RASGRF2: variants seen among roughly 807,000 people sequenced by gnomAD.
The protein encoded by RASGRF2 is Ras protein specific guanine nucleotide releasing factor 2, also known as ras-specific guanine nucleotide-releasing factor 2.
Under a neutral mutation model 151.0 loss-of-function variants are expected in RASGRF2, and 76 were observed. The observed-to-expected ratio is 0.50, with a 90% CI of 0.42 to 0.61. The LOEUF is 0.61. Ranked by LOEUF, RASGRF2 falls within the 20% of genes least tolerant of loss-of-function variation. RASGRF2 has a pLI of 0.00. For synonymous variants in RASGRF2, 504 were observed against 566.5 expected (o/e 0.89, Z 1.57); for missense variants, 1,148 against 1,564.6 (o/e 0.73, Z 4.49).
intron 2 of RASGRF2, among the ~76,000 whole-genome samples, chr5:81,055,819 G>T (rs1272402686): frequency 1.3e-5 from 2 of 152,106 alleles, no homozygotes; most frequent in Admixed American, 6.6e-5. Flanking sequence ...CCTGTTATTG[G>T]TCTATTCAGG....
intron 17 of RASGRF2, among the ~76,000 whole-genome samples, chr5:81,158,514 A>C (rs1754312318): frequency 6.6e-6 from 1 of 152,186 alleles, no homozygotes; most frequent in South Asian, 2.1e-4. Flanking sequence ...GAAAGTGAAC[A>C]GACAACCCAT....
chr5:81,164,296 C>G (rs1754455070), intron 17 of RASGRF2, among the ~76,000 whole-genome samples: 1 of 152,088 alleles, frequency 6.6e-6, no homozygotes, highest in South Asian at 2.1e-4. Context: ...TCTCAGCAAC[C>G]TGCACATTCA....
chr5:81,079,564 T>G (rs148807905), intron 5 of RASGRF2, among the ~76,000 whole-genome samples: 136 of 152,342 alleles, frequency 8.9e-4, no homozygotes, highest in African/African-American at 2.4e-3. Context: ...TTTTAGGAAT[T>G]TAGATCCCTA....
intron 2 of RASGRF2, among the ~76,000 whole-genome samples, chr5:81,051,760 T>C (rs546576924): frequency 6.6e-6 from 1 of 152,350 alleles, no homozygotes; most frequent in South Asian, 2.1e-4. Context: ...TTTTTGCTAG[T>C]ATGAATAATG....
intron 18 of RASGRF2, among the ~76,000 whole-genome samples, chr5:81,189,728 T>TC (rs375273587): frequency 6.7e-6 from 1 of 150,160 alleles, no homozygotes; most frequent in East Asian, 1.9e-4. Flanking sequence ...TTTTTTTTTT[T>TC]CAGAGACAGA....
intron 1 of RASGRF2, among the ~76,000 whole-genome samples, chr5:80,992,061 C>G (rs543311542): frequency 2.6e-5 from 4 of 152,154 alleles, no homozygotes; most frequent in Non-Finnish European, 5.9e-5. Context: ...CCCACCCTCT[C>G]CTGGCACCAT....
intron 1 of RASGRF2, among the ~76,000 whole-genome samples, chr5:80,965,253 G>A (rs930885321): frequency 5.3e-5 from 8 of 152,042 alleles, no homozygotes; most frequent in Non-Finnish European, 8.8e-5. Flanking sequence ...GGAGAGTGTG[G>A]ATGGTGGATT....
chr5:80,980,675 A>T (rs559588445), intron 1 of RASGRF2, among the ~76,000 whole-genome samples: 28 of 152,328 alleles, frequency 1.8e-4, no homozygotes, highest in African/African-American at 6.5e-4. Context: ...AAAAAAGAGG[A>T]TACCACTGAT....
chr5:81,093,177 T>C (rs1243347924), intron 10 of RASGRF2, among the ~76,000 whole-genome samples: 2 of 152,166 alleles, frequency 1.3e-5, no homozygotes, highest in East Asian at 3.8e-4. Flanking sequence ...TGCATCACCA[T>C]AAAGAAATAC....
rs201775235 is a variant in RASGRF2, at chr5:81,198,358, CAT to C, written c.2794-2971_2794-2970del. On this transcript the variant is annotated intron_variant, in intron 18 of 26. Transcript: ENST00000265080. Reference sequence around the variant, plus strand: ...TTTAGCTCCCACTTATAAGTGAAAACATGTGATATTTGGTTTTCTGTTTCTGC... The same window carrying C: ...TTTAGCTCCCACTTATAAGTGAAAACGTGATATTTGGTTTTCTGTTTCTGC... Among the ~76,000 whole-genome samples the C allele has an allele frequency of 1.4e-4, 21 of 152,268 alleles. No homozygotes were observed. In the East Asian group the frequency reaches 1.9e-3, roughly 14 times the overall value.
intron 26 of RASGRF2, chr5:81,223,372 TG>T (rs1262804151): frequency 2.3e-5 from 3 of 130,878 alleles, no homozygotes; most frequent in Non-Finnish European, 5.0e-5. Flanking sequence ...CCGGGCGCGG[TG>T]GCTCACGCCT....
intron 17 of RASGRF2, among the ~76,000 whole-genome samples, chr5:81,150,637 C>T (rs959787510): frequency 6.6e-6 from 1 of 151,558 alleles, no homozygotes; most frequent in East Asian, 1.9e-4. Flanking sequence ...TGCACGTGAA[C>T]ACACACACAC....
At chr5:81,054,891 G>A (rs1751143572) in intron 2 of RASGRF2, among the ~76,000 whole-genome samples, 3 of 151,706 alleles carry the variant, frequency 2.0e-5, no homozygotes, top group Admixed American at 2.0e-4. Context: ...TGAAGCAATT[G>A]TGAATGGGAG....
chr5:81,201,778 C>T (rs968118258), intron 19 of RASGRF2, among the ~76,000 whole-genome samples: 1 of 152,178 alleles, frequency 6.6e-6, no homozygotes, highest in Non-Finnish European at 1.5e-5. Context: ...GATGTTTCCT[C>T]CTGTGGGTTG....
chr5:81,014,101 A>G (rs186395970), intron 1 of RASGRF2, among the ~76,000 whole-genome samples: 130 of 152,096 alleles, frequency 8.5e-4, no homozygotes, highest in Non-Finnish European at 1.5e-3. Context: ...CTTGTGGTCT[A>G]TTTTCAACTT....
At chr5:81,198,013 A>G (rs1474664341) in intron 18 of RASGRF2, among the ~76,000 whole-genome samples, 1 of 152,236 alleles carries the variant, frequency 6.6e-6, no homozygotes, top group Non-Finnish European at 1.5e-5. Flanking sequence ...CCAGAATAAA[A>G]GAAAGTACAC....
At position 81,201,377 on chromosome 5, in the gene RASGRF2, A is replaced by G; in HGVS notation, c.2841A>G (p.Leu947=). The change falls in exon 19 of 27, where the codon CTA becomes CTG. Residue 947 remains leucine, a synonymous_variant. Transcript: ENST00000265080. ...TAAAGATGAATGTCCTAAATTTGCT[A>G]GAAGAAGTTTTGCGAGACCCAGACC... The part of the protein sequence containing the change: ...NELKMNVLNL[L]EEVLRDPDLL... 1 of 1,614,002 alleles carries G rather than the reference A, an allele frequency of 6.2e-7. No homozygotes were observed. Among genetic ancestry groups the G allele is most frequent in the Non-Finnish European group, 8.5e-7 (1 of 1,179,966 alleles).
At chr5:81,112,585 A>G (rs1224518912) in intron 13 of RASGRF2, 25 bp from the exon 14 acceptor site, 1 of 1,612,788 alleles carries the variant, frequency 6.2e-7, no homozygotes, top group Non-Finnish European at 8.5e-7. Context: ...TGGTTTTACC[A>G]TCATGTTCCT....
At chr5:80,974,048 G>A (rs1353525623) in intron 1 of RASGRF2, among the ~76,000 whole-genome samples, 1 of 152,206 alleles carries the variant, frequency 6.6e-6, no homozygotes, top group Non-Finnish European at 1.5e-5. Context: ...CTCATTGCAA[G>A]ACTAATGGGT....
Sources: gnomAD v4.1 joint callset for allele counts (sites outside exome capture counted in the v4.1 genomes callset) on GRCh38, gnomAD v4.1.1 for gene constraint, MANE v1.5 for transcripts, NCBI Gene and HGNC (gene_info 2026-07-23, HGNC 2026-07-21) for gene names.